The following MAPK10 variants were observed in gnomAD, a reference collection of about 807,000 sequenced individuals.
MAPK10 encodes mitogen-activated protein kinase 10, also known as JNK3 alpha protein kinase.
A neutral mutation model predicts 59.3 loss-of-function variants in MAPK10; 25 were observed. The observed-to-expected ratio is 0.42, with a 90% CI of 0.31 to 0.59. MAPK10 has a LOEUF of 0.59. Ranked by LOEUF, MAPK10 falls within the 20% of genes least tolerant of loss-of-function variation. The pLI, the probability that MAPK10 is intolerant of heterozygous loss-of-function variation, is 0.15. For synonymous variants in MAPK10, 190 were observed against 200.5 expected, an observed-to-expected ratio of 0.95 and a Z score of 0.44; for missense variants, 351 against 568.9, an observed-to-expected ratio of 0.62 and a Z score of 3.90.
intron 2 of MAPK10, among the ~76,000 whole-genome samples, chr4:86,255,935 AG>A (rs2148725345): frequency 6.6e-6 from 1 of 152,312 alleles, no homozygotes; most frequent in African/African-American, 2.4e-5. Context: ...GTGTGTGCTT[AG>A]TACCTAAAAT....
intron 2 of MAPK10, among the ~76,000 whole-genome samples, chr4:86,262,959 C>A (rs2094066869): frequency 6.6e-6 from 1 of 152,174 alleles, no homozygotes; most frequent in Non-Finnish European, 1.5e-5. Context: ...CCAACAAAGG[C>A]CACAATAAGT....
In MAPK10 at chr4:86,101,564, AG is replaced by A. The variant is rs2055401069; in HGVS notation, c.564+329del. On this transcript the variant is annotated intron_variant, in intron 7 of 13. Transcript: ENST00000641462. ...TCTAGGCCTGACAGAAGAACAGATC[AG>A]GGAAGCTGTCTTTATGCTGCCAGAA... 8 of 391,658 alleles carry A rather than the reference AG, an allele frequency of 2.0e-5. No individual in the cohort carries two copies. The Admixed American group carries it at 3.2e-4, about 15-fold the overall frequency. The allele number at this position is 391,658 out of a possible 1,614,324, so 24.3% of individuals were successfully genotyped here. A position where few individuals can be genotyped will look rare whatever the true frequency, so the allele number is the denominator to read the frequency against.
At chr4:86,461,876 T>C (rs926046030) in intron 1 of MAPK10, among the ~76,000 whole-genome samples, 1 of 152,196 alleles carries the variant, frequency 6.6e-6, no homozygotes, top group Non-Finnish European at 1.5e-5. Flanking sequence ...AGGCAGGAAT[T>C]CAGCAAGCTA....
chr4:86,278,971 G>C (rs1475768120), intron 2 of MAPK10, among the ~76,000 whole-genome samples: 1 of 152,140 alleles, frequency 6.6e-6, no homozygotes, highest in Non-Finnish European at 1.5e-5. Flanking sequence ...GAGGACATTG[G>C]TGGGAAAACT....
At chr4:86,360,756 T>C (rs1736784720), upstream of MAPK10, among the ~76,000 whole-genome samples, 1 of 152,168 alleles carries the variant, frequency 6.6e-6, no homozygotes, top group Non-Finnish European at 1.5e-5. Flanking sequence ...TTTATTTCAG[T>C]AATTTGCTCT....
At chr4:86,133,584 CAAAT>C (rs2061381780) in intron 4 of MAPK10, among the ~76,000 whole-genome samples, 4 of 152,214 alleles carry the variant, frequency 2.6e-5, no homozygotes, top group Admixed American at 2.0e-4. Flanking sequence ...TGACCTTTCT[CAAAT>C]AAATGTGTCT....
chr4:86,248,646 A>G (rs2093252131), intron 2 of MAPK10, among the ~76,000 whole-genome samples: 1 of 152,250 alleles, frequency 6.6e-6, no homozygotes, highest in African/African-American at 2.4e-5. Context: ...TTCTCAAGTC[A>G]GACTCCACAG....
At chr4:86,044,530 A>G in intron 11 of MAPK10, 2 of 387,986 alleles carry the variant, frequency 5.2e-6, no homozygotes. Context: ...AACATTCTAG[A>G]GAAAGTAGGT....
In MAPK10 at chr4:86,067,998, T is replaced by C. The variant is rs2047067370; in HGVS notation, c.803-43A>G. On this transcript the variant is annotated intron_variant, in intron 9 of 13. Transcript: ENST00000641462. ...AAGGGAAAAAAGAAGAGCAGACCAC[T>C]AGCCTTTCAACAATTGGGAGACTAA... The C allele has an allele frequency of 2.2e-6, 3 of 1,378,766 alleles. No homozygotes were observed. In the African/African-American group the frequency reaches 4.3e-5, roughly 20 times the overall value. 85.4% of individuals were successfully genotyped at this position (1,378,766 alleles called of 1,614,324 possible).
intron 2 of MAPK10, among the ~76,000 whole-genome samples, chr4:86,205,782 C>T (rs369158616): frequency 3.9e-5 from 6 of 151,924 alleles, no homozygotes; most frequent in South Asian, 4.1e-4. Flanking sequence ...TTAAAACACA[C>T]ACATATATTT....
chr4:86,421,216 C>A (rs1007710630), intron 1 of MAPK10, among the ~76,000 whole-genome samples: 3 of 152,070 alleles, frequency 2.0e-5, no homozygotes, highest in African/African-American at 7.2e-5. Context: ...TTCTATCGTT[C>A]TTTTTGCTTG....
chr4:86,218,581 A>T (rs1033026477), intron 2 of MAPK10, among the ~76,000 whole-genome samples: 1 of 152,084 alleles, frequency 6.6e-6, no homozygotes, highest in Non-Finnish European at 1.5e-5. Context: ...AAAAAAAAAA[A>T]AAAAAACACT....
At chr4:86,057,570 T>C (rs1579315310) in intron 11 of MAPK10, among the ~76,000 whole-genome samples, 5 of 150,154 alleles carry the variant, frequency 3.3e-5, no homozygotes, top group African/African-American at 1.2e-4. Context: ...ATTAGAAACC[T>C]ACCAAGAACA....
At chr4:86,162,696 G>T (rs538764625) in intron 3 of MAPK10, among the ~76,000 whole-genome samples, 1 of 151,940 alleles carries the variant, frequency 6.6e-6, no homozygotes, top group East Asian at 1.9e-4. Flanking sequence ...AACCACCTGC[G>T]CTCATTCAAT....
At chr4:86,198,990 T>C (rs1241816643) in intron 2 of MAPK10, among the ~76,000 whole-genome samples, 1 of 152,014 alleles carries the variant, frequency 6.6e-6, no homozygotes. Context: ...TGGGATACTA[T>C]TTTATATCCT....
chr4:86,162,748 G>A (rs2070238571), intron 3 of MAPK10, among the ~76,000 whole-genome samples: 1 of 152,084 alleles, frequency 6.6e-6, no homozygotes, highest in South Asian at 2.1e-4. Flanking sequence ...GCAACTACTA[G>A]AAGCCAAGTT....
At chr4:86,451,786 C>T (rs536748446) in intron 1 of MAPK10, among the ~76,000 whole-genome samples, 80 of 152,176 alleles carry the variant, frequency 5.3e-4, no homozygotes, top group African/African-American at 1.8e-3. Context: ...GCTGGGGAAA[C>T]AGGGGAGGGC....
chr4:86,345,589 G>A (rs2148949303), intron 2 of MAPK10, among the ~76,000 whole-genome samples: 1 of 152,218 alleles, frequency 6.6e-6, no homozygotes, highest in Admixed American at 6.5e-5. Context: ...ACTTGCCCAA[G>A]GGAATATTAA....
chr4:86,136,294 G>T (rs1231609089), intron 4 of MAPK10, among the ~76,000 whole-genome samples: 1 of 152,046 alleles, frequency 6.6e-6, no homozygotes, highest in African/African-American at 2.4e-5. Flanking sequence ...AGAAAGGTCG[G>T]GTTACCCACA....
Sources: gnomAD v4.1 joint callset for allele counts (sites outside exome capture counted in the v4.1 genomes callset) on GRCh38, gnomAD v4.1.1 for gene constraint, MANE v1.5 for transcripts, NCBI Gene and HGNC (gene_info 2026-07-23, HGNC 2026-07-21) for gene names.